NYAP2: variants seen among roughly 807,000 people sequenced by gnomAD.
NYAP2 encodes neuronal tyrosine-phosphorylated phosphoinositide-3-kinase adaptor 2.
In NYAP2, 23 loss-of-function variants were observed where a neutral mutation model predicts 50.4. The ratio of observed to expected loss-of-function variants is 0.46; its 90% CI spans 0.33 to 0.65. The LOEUF is 0.65. NYAP2 is among the 30% of genes least tolerant of loss of function. The probability of loss-of-function intolerance (pLI) is 0.02; values close to 1 mark genes in which losing one functional copy is unlikely to be tolerated. For missense variants in NYAP2, 885 were observed against 861.0 expected (o/e 1.03, Z -0.35); for synonymous variants, 394 against 365.2 (o/e 1.08, Z -0.90).
intron 3 of NYAP2, among the ~76,000 whole-genome samples, chr2:225,450,741 GC>G (rs1489566772): frequency 6.6e-6 from 1 of 152,112 alleles, no homozygotes; most frequent in East Asian, 1.9e-4. Flanking sequence ...AATTACTAGG[GC>G]TCAGTTTCTT....
At chr2:225,686,759 G>A in the NYAP2 span, among the ~76,000 whole-genome samples, 1 of 152,132 alleles carries the variant, frequency 6.6e-6, no homozygotes, top group Non-Finnish European at 1.5e-5. Flanking sequence ...CAGACATAGT[G>A]ATTACACAGT....
chr2:225,639,794 G>A lies in NYAP2; in HGVS notation c.1829-11638G>A, dbSNP rs1415929544. 2.6e-5 allele frequency among the ~76,000 whole-genome samples: 4 copies of A among 152,102 alleles called. No homozygotes were observed. In the East Asian group the frequency reaches 5.8e-4, roughly 22 times the overall value. ...AAATTTTAAAACTGTAATTACAATC[G>A]GTGATGAAAGGAGAGTGACAGGGCG... is the stretch of plus-strand genomic sequence containing the variant. On this transcript the variant is annotated intron_variant, in intron 6 of 6. Coordinates refer to ENST00000636099, the Ensembl canonical transcript of NYAP2.
the NYAP2 span, among the ~76,000 whole-genome samples, chr2:225,683,593 C>A: frequency 6.6e-6 from 1 of 152,086 alleles, no homozygotes; most frequent in Admixed American, 6.6e-5. Flanking sequence ...CCAATGGAAT[C>A]CCTGGGTAGG....
At chr2:225,589,984 G>T (rs749182465) in intron 5 of NYAP2, among the ~76,000 whole-genome samples, 2 of 152,118 alleles carry the variant, frequency 1.3e-5, no homozygotes, top group African/African-American at 2.4e-5. Flanking sequence ...GGAGTTAGGG[G>T]CTGGATTCGG....
chr2:225,537,155 C>G (rs922125987), intron 4 of NYAP2, among the ~76,000 whole-genome samples: 7 of 152,254 alleles, frequency 4.6e-5, no homozygotes, highest in African/African-American at 1.7e-4. Flanking sequence ...CCATCCCAGC[C>G]TCTGGTAATC....
intron 4 of NYAP2, among the ~76,000 whole-genome samples, chr2:225,521,551 G>C (rs1306492463): frequency 6.6e-6 from 1 of 152,018 alleles, no homozygotes; most frequent in Non-Finnish European, 1.5e-5. Context: ...TTTGTCTTTG[G>C]TTCTGTTTAT....
At chr2:225,609,683 G>A (rs1166100757) in intron 5 of NYAP2, among the ~76,000 whole-genome samples, 1 of 152,104 alleles carries the variant, frequency 6.6e-6, no homozygotes, top group Non-Finnish European at 1.5e-5. Flanking sequence ...GCGGTGCTCA[G>A]GGCAGGGACA....
At chr2:225,623,973 C>T (rs1288792263) in intron 5 of NYAP2, among the ~76,000 whole-genome samples, 1 of 152,144 alleles carries the variant, frequency 6.6e-6, no homozygotes, top group African/African-American at 2.4e-5. Flanking sequence ...TTTTAAAATA[C>T]AATATTAATT....
the NYAP2 span, among the ~76,000 whole-genome samples, chr2:225,690,983 A>G: frequency 6.6e-6 from 1 of 152,056 alleles, no homozygotes; most frequent in Non-Finnish European, 1.5e-5. Context: ...GTGTGATGTT[A>G]GGGTAACAGT....
chr2:225,592,280 G>C (rs1692520737), intron 5 of NYAP2, among the ~76,000 whole-genome samples: 1 of 152,138 alleles, frequency 6.6e-6, no homozygotes, highest in Non-Finnish European at 1.5e-5. Context: ...TAACTATGCA[G>C]TAGTTTGGCC....
At chr2:225,415,273 T>C (rs1371218460) in intron 3 of NYAP2, among the ~76,000 whole-genome samples, 1 of 152,186 alleles carries the variant, frequency 6.6e-6, no homozygotes, top group Non-Finnish European at 1.5e-5. Flanking sequence ...GTATTTCTGT[T>C]ACTCAAAAAG....
the NYAP2 span, among the ~76,000 whole-genome samples, chr2:225,662,360 C>T: frequency 2.6e-5 from 4 of 152,254 alleles, no homozygotes; most frequent in African/African-American, 9.6e-5. Context: ...GCACATCGAA[C>T]CCTTTCCACA....
At chr2:225,677,808 T>A in the NYAP2 span, among the ~76,000 whole-genome samples, 1,428 of 152,218 alleles carry the variant, frequency 9.4e-3, 22 homozygotes, top group African/African-American at 0.033. Context: ...CTGCTGGATT[T>A]GGATTGTTAG....
At chr2:225,482,151 T>C (rs1332441980) in intron 3 of NYAP2, among the ~76,000 whole-genome samples, 1 of 152,152 alleles carries the variant, frequency 6.6e-6, no homozygotes, top group Non-Finnish European at 1.5e-5. Flanking sequence ...AATTCTACAG[T>C]GACTTGATTT....
intron 5 of NYAP2, among the ~76,000 whole-genome samples, chr2:225,583,729 G>A (rs1692340787): frequency 6.6e-6 from 1 of 152,100 alleles, no homozygotes; most frequent in Admixed American, 6.6e-5. Context: ...GTTAAAACTT[G>A]CCTTCATCTT....
chr2:225,406,618 G>A (rs1006282057), intron 2 of NYAP2, among the ~76,000 whole-genome samples: 1 of 151,826 alleles, frequency 6.6e-6, no homozygotes. Context: ...GGTGGCAGGA[G>A]CATGTGTACA....
intron 3 of NYAP2, among the ~76,000 whole-genome samples, chr2:225,462,332 TTTTC>T (rs1689847166): frequency 6.6e-6 from 1 of 152,306 alleles, no homozygotes; most frequent in Admixed American, 6.5e-5. Context: ...AGTACATTTC[TTTTC>T]TTTCATTTTG....
intron 3 of NYAP2, among the ~76,000 whole-genome samples, chr2:225,501,534 A>C (rs149880680): frequency 6.6e-6 from 1 of 152,334 alleles, no homozygotes; most frequent in Non-Finnish European, 1.5e-5. Context: ...GGGTCACAAA[A>C]CTAGTTTGTA....
At chr2:225,636,824 AGAG>A in intron 6 of NYAP2, among the ~76,000 whole-genome samples, 1 of 152,196 alleles carries the variant, frequency 6.6e-6, no homozygotes, top group Non-Finnish European at 1.5e-5. Context: ...GAAGTACAAT[AGAG>A]GAGAACCCCC....
Sources: gnomAD v4.1 joint callset for allele counts (sites outside exome capture counted in the v4.1 genomes callset) on GRCh38, gnomAD v4.1.1 for gene constraint, MANE v1.5 for transcripts, NCBI Gene and HGNC (gene_info 2026-07-23, HGNC 2026-07-21) for gene names.